EPM2A: variants seen among roughly 807,000 people sequenced by gnomAD.
EPM2A encodes the protein laforin.
In EPM2A, 21 loss-of-function variants were observed where a neutral mutation model predicts 26.5. The observed-to-expected ratio is 0.79, with a 90% CI of 0.56 to 1.14. The LOEUF (loss-of-function observed/expected upper bound fraction) is 1.14, where lower values mean the gene tolerates loss of function less well. Among genes scored for constraint, EPM2A ranks in the 50% most tolerant of loss-of-function variants. The pLI is 0.00. For missense variants in EPM2A, 458 were observed against 440.8 expected (o/e 1.04, Z -0.35); for synonymous variants, 217 against 177.6 (o/e 1.22, Z -1.76).
intron 2 of EPM2A, among the ~76,000 whole-genome samples, chr6:145,676,650 C>T (rs571531891): frequency 1.2e-4 from 18 of 152,232 alleles, no homozygotes; most frequent in Non-Finnish European, 2.5e-4. Context: ...ACTATAAACA[C>T]CTCTATCCAA....
chr6:145,437,595 AC>A (rs1779005856), intron 4 of EPM2A, among the ~76,000 whole-genome samples: 1 of 152,238 alleles, frequency 6.6e-6, no homozygotes, highest in Non-Finnish European at 1.5e-5. Context: ...TTGGCTGCTC[AC>A]CTAGGTGATT....
intron 4 of EPM2A, among the ~76,000 whole-genome samples, chr6:145,482,746 C>T (rs557821072): frequency 1.3e-5 from 2 of 152,126 alleles, no homozygotes; most frequent in South Asian, 2.1e-4. Flanking sequence ...TTTTGCTTTA[C>T]GAATCTCTGT....
intron 4 of EPM2A, among the ~76,000 whole-genome samples, chr6:145,413,367 A>G (rs1356776025): frequency 6.6e-6 from 1 of 152,192 alleles, no homozygotes; most frequent in African/African-American, 2.4e-5. Flanking sequence ...TATGATGAAG[A>G]CTTGAAGTTT....
chr6:145,443,402 T>C (rs756966624), intron 4 of EPM2A, among the ~76,000 whole-genome samples: 2 of 152,206 alleles, frequency 1.3e-5, no homozygotes, highest in Non-Finnish European at 2.9e-5. Flanking sequence ...ATCTCTGATT[T>C]CTTTGAGCAG....
intron 1 of EPM2A, among the ~76,000 whole-genome samples, chr6:145,701,912 C>CA (rs1338524476): frequency 5.3e-5 from 8 of 151,636 alleles, no homozygotes; most frequent in Non-Finnish European, 1.0e-4. Context: ...CACACACACA[C>CA]ACAAAAAAAG....
intron 4 of EPM2A, among the ~76,000 whole-genome samples, chr6:145,425,096 G>A (rs1398212561): frequency 7.6e-6 from 1 of 131,120 alleles, no homozygotes; most frequent in Non-Finnish European, 1.8e-5. Flanking sequence ...ATTTCAATTA[G>A]TAGCTTTGGA....
At chr6:145,436,919 C>G (rs764672558) in intron 4 of EPM2A, among the ~76,000 whole-genome samples, 1 of 151,934 alleles carries the variant, frequency 6.6e-6, no homozygotes, top group Non-Finnish European at 1.5e-5. Context: ...TAAAACATGT[C>G]TCCCACATTT....
At position 145,686,285 on chromosome 6, in the gene EPM2A, G is replaced by A; in HGVS notation, c.313C>T (p.His105Tyr). The change falls in exon 2 of 4, where the codon CAT becomes TAT. Residue 105 changes from histidine (H) to tyrosine (Y), a missense_variant. His to Tyr is a moderately conservative substitution (Grantham distance 83). Coordinates refer to ENST00000367519, the MANE Select transcript of EPM2A (RefSeq NM_005670.4). ...GELSWEGNGP[H>Y]HDRCCTYNEN... ...TTGTAAGTACAGCAACGGTCATGAT[G>A]AGGTCCATTGCCTAGAACAAGAAAA... 1.2e-6 allele frequency: 2 copies of A among 1,613,410 alleles called. No homozygotes were observed. Among genetic ancestry groups the A allele is most frequent in the Non-Finnish European group, 1.7e-6 (2 of 1,179,450 alleles).
intron 4 of EPM2A, among the ~76,000 whole-genome samples, chr6:145,422,379 C>A (rs1311895627): frequency 6.7e-6 from 1 of 149,290 alleles, no homozygotes; most frequent in African/African-American, 2.4e-5. Context: ...TTGTACTTTT[C>A]ATAATTGGGA....
At position 145,625,826 on chromosome 6, in the gene EPM2A, G is replaced by A. The variant is rs141812357; in HGVS notation, c.*1590C>T. ...ACCTTGTATCCTTCTTGTCCCCCACGCCTTCTAAATAAGAGTCTCTTGCAT... is the reference window on the plus strand; with the variant it reads ...ACCTTGTATCCTTCTTGTCCCCCACACCTTCTAAATAAGAGTCTCTTGCAT... On this transcript the variant is annotated 3_prime_UTR_variant, in exon 4 of 4. Transcript: ENST00000367519. 1.4e-3 allele frequency: 2,167 copies of A among 1,548,332 alleles called. 6 individuals are homozygous for A. Among genetic ancestry groups the A allele is most frequent in the African/African-American group, 6.5e-3 (480 of 73,288 alleles).
intron 2 of EPM2A, among the ~76,000 whole-genome samples, chr6:145,571,754 C>A (rs987951276): frequency 2.6e-5 from 4 of 152,208 alleles, no homozygotes; most frequent in African/African-American, 9.6e-5. Flanking sequence ...CTATGCATTA[C>A]CTCCATCCAT....
chr6:145,387,103 T>G (rs1337904515), intron 4 of EPM2A, among the ~76,000 whole-genome samples: 2 of 152,158 alleles, frequency 1.3e-5, no homozygotes, highest in Non-Finnish European at 2.9e-5. Flanking sequence ...ATGAAGTAAC[T>G]GTTTCCTTTT....
chr6:145,708,405 C>T (rs1165282861), intron 1 of EPM2A, among the ~76,000 whole-genome samples: 1 of 152,168 alleles, frequency 6.6e-6, no homozygotes, highest in Non-Finnish European at 1.5e-5. Context: ...AAATGGCTTC[C>T]TGGGCTGGGC....
intron 4 of EPM2A, among the ~76,000 whole-genome samples, chr6:145,456,919 A>T (rs1032937151): frequency 6.6e-6 from 1 of 152,194 alleles, no homozygotes; most frequent in Non-Finnish European, 1.5e-5. Flanking sequence ...GCCACCTTAC[A>T]GATGTTATAA....
At chr6:145,611,041 C>T (rs1483586201) in intron 2 of EPM2A, among the ~76,000 whole-genome samples, 6 of 152,070 alleles carry the variant, frequency 3.9e-5, no homozygotes, top group African/African-American at 9.7e-5. Context: ...TAACTCATGA[C>T]TAAGATTTAG....
At chr6:145,685,608 T>C (rs1316925218) in intron 2 of EPM2A, among the ~76,000 whole-genome samples, 1 of 152,158 alleles carries the variant, frequency 6.6e-6, no homozygotes, top group East Asian at 1.9e-4. Context: ...ATAATAAGCC[T>C]TATGTTTTAT....
At chr6:145,664,607 G>A (rs1423306817) in intron 2 of EPM2A, among the ~76,000 whole-genome samples, 1 of 151,462 alleles carries the variant, frequency 6.6e-6, no homozygotes, top group Non-Finnish European at 1.5e-5. Flanking sequence ...AGATCAACGA[G>A]ACAGAAAGTC....
chr6:145,702,805 C>T (rs573733552), intron 1 of EPM2A, among the ~76,000 whole-genome samples: 80 of 152,314 alleles, frequency 5.3e-4, no homozygotes, highest in Non-Finnish European at 1.0e-3. Flanking sequence ...TTTTCAGTAA[C>T]TCACATAGTT....
downstream of EPM2A, among the ~76,000 whole-genome samples, chr6:145,622,717 T>A (rs1582904717): frequency 6.6e-6 from 1 of 152,224 alleles, no homozygotes; most frequent in East Asian, 1.9e-4. Flanking sequence ...TGGAACACAT[T>A]CTCCCTCGCA....
Sources: allele counts gnomAD v4.1 joint callset (sites outside exome capture counted in the v4.1 genomes callset), GRCh38; gene constraint gnomAD v4.1.1; transcripts MANE v1.5; gene names NCBI Gene and HGNC (gene_info 2026-07-23, HGNC 2026-07-21).